The following SYN2 variants were observed in gnomAD, a reference collection of about 807,000 sequenced individuals.
SYN2 encodes synapsin II, also known as synapsin-2.
A neutral mutation model predicts 50.9 loss-of-function variants in SYN2; 19 were observed. The observed-to-expected ratio is 0.37, with a 90% CI of 0.26 to 0.55. The LOEUF (loss-of-function observed/expected upper bound fraction) is 0.55, where lower values mean the gene tolerates loss of function less well. Among genes scored for constraint, SYN2 ranks in the 20% least tolerant of loss-of-function variants. The pLI is 0.81. For synonymous variants in SYN2, 255 were observed against 224.9 expected, an observed-to-expected ratio of 1.13 and a Z score of -1.20; for missense variants, 587 against 576.4, an observed-to-expected ratio of 1.02 and a Z score of -0.19.
intron 5 of SYN2, chr3:12,159,124 A>G (rs1697563158): frequency 2.4e-6 from 1 of 420,374 alleles, no homozygotes; most frequent in East Asian, 3.8e-5. Flanking sequence ...CTGGAAGCAG[A>G]GGGGAAGCAC....
chr3:12,190,563 G>A lies in SYN2; in HGVS notation c.1687G>A (p.Glu563Lys), dbSNP rs529170015. 16 of 1,613,416 alleles carry A rather than the reference G, an allele frequency of 9.9e-6. No homozygotes were observed. In the East Asian group the frequency reaches 1.3e-4, roughly 13 times the overall value. The change falls in exon 13 of 13, where the codon GAA becomes AAA. Residue 563 changes from glutamate (E) to lysine (K), a missense_variant. By Grantham distance (56) the Glu-to-Lys change is moderately conservative (BLOSUM62 1). Transcript: ENST00000621198. ...SFFRSSANEDEAKAETIRSLR... is the reference protein window; with the variant it reads ...SFFRSSANEDKAKAETIRSLR... ...CTTCCGGTCTTCAGCCAATGAGGAT[G>A]AAGCCAAAGCAGAGACCATCCGGAG...
intron 1 of SYN2, among the ~76,000 whole-genome samples, chr3:12,101,595 T>C (rs1696077258): frequency 6.6e-6 from 1 of 152,194 alleles, no homozygotes; most frequent in African/African-American, 2.4e-5. Flanking sequence ...ATCCAAACAC[T>C]GATTCTCACA....
At chr3:12,069,576 G>T (rs187797060) in intron 1 of SYN2, among the ~76,000 whole-genome samples, 94 of 152,100 alleles carry the variant, frequency 6.2e-4, no homozygotes, top group Non-Finnish European at 1.1e-3. Context: ...ACTCCTTTGG[G>T]TATACCTAAG....
At chr3:12,158,607 C>T in intron 5 of SYN2, 2 of 1,530,922 alleles carry the variant, frequency 1.3e-6, no homozygotes, top group Non-Finnish European at 1.8e-6. Flanking sequence ...AATTTGAGCT[C>T]CTCCCTTTTC....
chr3:12,062,267 T>G (rs1695128060), intron 1 of SYN2, among the ~76,000 whole-genome samples: 2 of 152,068 alleles, frequency 1.3e-5, no homozygotes, highest in South Asian at 4.1e-4. Context: ...AAGAATTAAA[T>G]GGGGAAAGGA....
At chr3:12,157,569 G>T in intron 5 of SYN2, 1 of 1,323,710 alleles carries the variant, frequency 7.6e-7, no homozygotes, top group Non-Finnish European at 1.1e-6. Context: ...CCATGAAGAA[G>T]TCTATAGGGC....
chr3:12,090,543 G>C (rs941739269), intron 1 of SYN2, among the ~76,000 whole-genome samples: 6 of 152,180 alleles, frequency 3.9e-5, no homozygotes, highest in African/African-American at 1.4e-4. Context: ...CTGTGCTTCA[G>C]GGTCTTCAGC....
At chr3:12,034,564 G>A (rs371486643) in intron 1 of SYN2, among the ~76,000 whole-genome samples, 15 of 152,156 alleles carry the variant, frequency 9.9e-5, no homozygotes, top group African/African-American at 2.9e-4. Flanking sequence ...TCAAGGGACC[G>A]TATCTGATGA....
At chr3:12,061,378 C>A in intron 1 of SYN2, among the ~76,000 whole-genome samples, 1 of 151,974 alleles carries the variant, frequency 6.6e-6, no homozygotes, top group East Asian at 1.9e-4. Flanking sequence ...ACATTCTCAG[C>A]AAACTAGGCA....
intron 10 of SYN2, among the ~76,000 whole-genome samples, chr3:12,174,771 C>T (rs530262759): frequency 5.3e-5 from 8 of 152,338 alleles, no homozygotes; most frequent in Admixed American, 1.3e-4. Flanking sequence ...TGAGCCACCG[C>T]GCCCAGCCAT....
At chr3:12,153,604 CAT>C (rs1697368057) in intron 5 of SYN2, 1 of 1,614,072 alleles carries the variant, frequency 6.2e-7, no homozygotes. Flanking sequence ...TTCATACAGA[CAT>C]AATGCTGAGC....
rs184094605 is a variant in SYN2, at chr3:12,152,129, C to T, written c.774+803C>T. Reference sequence around the variant, plus strand: ...GAGATTATGTTTGTGCCCGCCTCCCCACTTCCTTGGCCAAAAGGGGTCTCC... The same window carrying T: ...GAGATTATGTTTGTGCCCGCCTCCCTACTTCCTTGGCCAAAAGGGGTCTCC... On this transcript the variant is annotated intron_variant, in intron 5 of 12. Coordinates refer to ENST00000621198, the MANE Select transcript of SYN2 (RefSeq NM_133625.6). Among the ~76,000 whole-genome samples the T allele has an allele frequency of 2.6e-5, 4 of 152,320 alleles. No homozygotes were observed. The East Asian group carries it at 7.7e-4, about 29-fold the overall frequency.
chr3:12,104,335 T>C (rs1364288393), intron 1 of SYN2, among the ~76,000 whole-genome samples: 1 of 152,036 alleles, frequency 6.6e-6, no homozygotes. Flanking sequence ...TCAAAATAAA[T>C]AAAGCAAAAT....
intron 1 of SYN2, among the ~76,000 whole-genome samples, chr3:12,128,953 TACC>T (rs1425200445): frequency 6.6e-6 from 1 of 152,216 alleles, no homozygotes; most frequent in Non-Finnish European, 1.5e-5. Flanking sequence ...ATACAGTGGC[TACC>T]ACCACAAGGT....
At chr3:12,005,040 G>C (rs1442271944) in intron 1 of SYN2, 112 bp downstream of exon 1, 9 of 383,208 alleles carry the variant, frequency 2.3e-5, no homozygotes, top group Admixed American at 9.1e-5. Flanking sequence ...AAAAAGGAGG[G>C]TCCCCGAGGT....
At chr3:12,153,636 C>T (rs749595899) in intron 5 of SYN2, 12 of 1,614,170 alleles carry the variant, frequency 7.4e-6, no homozygotes, top group South Asian at 5.5e-5. Flanking sequence ...ATAGAGCTTT[C>T]GTTCCAACAG....
rs1490949606 is a variant in SYN2, at chr3:12,110,609, G to A, written c.378-30042G>A. ...ATCTAGGCATTTCTATACATCCTCCGAAATCTAGGCAGAGGTTCCCAAACC... is the reference window on the plus strand; with the variant it reads ...ATCTAGGCATTTCTATACATCCTCCAAAATCTAGGCAGAGGTTCCCAAACC... On this transcript the variant is annotated intron_variant, in intron 1 of 12. Transcript: ENST00000621198. Among the ~76,000 whole-genome samples the A allele has an allele frequency of 3.9e-5, 6 of 152,286 alleles. 1 individual carries two copies. The highest frequency in any genetic ancestry group is 4.1e-4 in the South Asian group (2 of 4,824).
At chr3:12,014,049 T>C (rs776344274) in intron 1 of SYN2, among the ~76,000 whole-genome samples, 20 of 152,210 alleles carry the variant, frequency 1.3e-4, no homozygotes, top group Non-Finnish European at 1.9e-4. Flanking sequence ...CTCTAGATTG[T>C]ATTGAGCGTC....
intron 1 of SYN2, among the ~76,000 whole-genome samples, chr3:12,025,204 A>T (rs930536030): frequency 6.6e-6 from 1 of 152,046 alleles, no homozygotes; most frequent in Non-Finnish European, 1.5e-5. Context: ...CTTCATCTAC[A>T]CTAATTACTC....
Sources: allele counts gnomAD v4.1 joint callset (sites outside exome capture counted in the v4.1 genomes callset), GRCh38; gene constraint gnomAD v4.1.1; transcripts MANE v1.5; gene names NCBI Gene and HGNC (gene_info 2026-07-23, HGNC 2026-07-21).